The following PDGFC variants were observed in gnomAD, a reference collection of about 807,000 sequenced individuals.
The protein encoded by PDGFC is platelet derived growth factor C.
A neutral mutation model predicts 35.5 loss-of-function variants in PDGFC; 12 were observed. That is an observed-to-expected ratio of 0.34 (90% CI 0.22 to 0.55). PDGFC has a LOEUF of 0.55. Among genes scored for constraint, PDGFC ranks in the 20% least tolerant of loss-of-function variants. PDGFC has a pLI of 0.91. For missense variants in PDGFC, 322 were observed against 412.4 expected, an observed-to-expected ratio of 0.78 and a Z score of 1.90; for synonymous variants, 159 against 148.8, an observed-to-expected ratio of 1.07 and a Z score of -0.50.
At chr4:156,953,577 T>C (rs753343219) in intron 1 of PDGFC, among the ~76,000 whole-genome samples, 1 of 151,990 alleles carries the variant, frequency 6.6e-6, no homozygotes, top group Non-Finnish European at 1.5e-5. Flanking sequence ...GTACTCTCAA[T>C]AGTGGTTCTG....
At chr4:156,803,879 C>T (rs1731682750) in intron 3 of PDGFC, among the ~76,000 whole-genome samples, 4 of 152,076 alleles carry the variant, frequency 2.6e-5, no homozygotes, top group Admixed American at 2.6e-4. Flanking sequence ...GGAACTATGT[C>T]ATCTGTGAAT....
At chr4:156,793,665 G>C (rs1164138593) in intron 3 of PDGFC, among the ~76,000 whole-genome samples, 3 of 151,174 alleles carry the variant, frequency 2.0e-5, no homozygotes, top group Non-Finnish European at 4.4e-5. Flanking sequence ...ATACCAATCA[G>C]GGGGGCAGTG....
intron 1 of PDGFC, among the ~76,000 whole-genome samples, chr4:156,929,547 T>G (rs1376553936): frequency 6.6e-6 from 1 of 151,428 alleles, no homozygotes; most frequent in Non-Finnish European, 1.5e-5. Flanking sequence ...AATCTGCACA[T>G]GAAATCTCTC....
Position 156,762,041 on chromosome 4 carries a change from A to T in PDGFC, c.*1049T>A, listed in dbSNP as rs1022481574. On this transcript the variant is annotated 3_prime_UTR_variant, in exon 6 of 6. Transcript: ENST00000502773. ...AAGTTGCTTTTTATTTTCATCTCCA[A>T]TAACAGGAATGGAAGATATGATAAT... 1.3e-5 allele frequency: 2 copies of T among 152,756 alleles called. No individual in the cohort carries two copies. Among genetic ancestry groups the T allele is most frequent in the South Asian group, 2.1e-4 (1 of 4,832 alleles). The allele number at this position is 152,756 out of a possible 1,614,324, so 9.5% of individuals were successfully genotyped here.
At chr4:156,835,315 C>G (rs1356468159) in intron 2 of PDGFC, among the ~76,000 whole-genome samples, 1 of 152,142 alleles carries the variant, frequency 6.6e-6, no homozygotes, top group Non-Finnish European at 1.5e-5. Flanking sequence ...AAGGGAACTC[C>G]TATTCAATAT....
intron 2 of PDGFC, among the ~76,000 whole-genome samples, chr4:156,825,614 G>T (rs186858615): frequency 2.2e-3 from 302 of 137,096 alleles, no homozygotes; most frequent in African/African-American, 6.1e-3. Context: ...AGAAGAAGAA[G>T]AAGAAGAAGA....
chr4:156,802,419 T>C (rs1479017135), intron 3 of PDGFC, among the ~76,000 whole-genome samples: 1 of 152,032 alleles, frequency 6.6e-6, no homozygotes, highest in Non-Finnish European at 1.5e-5. Flanking sequence ...AAAGAATGAC[T>C]AAAAATCTGT....
intron 1 of PDGFC, among the ~76,000 whole-genome samples, chr4:156,859,750 G>A (rs1157489691): frequency 6.6e-6 from 1 of 152,010 alleles, no homozygotes; most frequent in African/African-American, 2.4e-5. Context: ...AAATTAATAA[G>A]AAAGCTTGGA....
intron 5 of PDGFC, among the ~76,000 whole-genome samples, chr4:156,767,212 T>C (rs1463127967): frequency 1.3e-5 from 2 of 152,232 alleles, no homozygotes; most frequent in African/African-American, 4.8e-5. Context: ...ATTACTAACA[T>C]GTCATATTAT....
At chr4:156,957,016 C>A (rs1270808948) in intron 1 of PDGFC, among the ~76,000 whole-genome samples, 5 of 151,942 alleles carry the variant, frequency 3.3e-5, no homozygotes, top group Non-Finnish European at 4.4e-5. Flanking sequence ...CTGAATCCCT[C>A]GCTTGGTCAA....
chr4:156,901,912 A>G (rs1175901939), intron 1 of PDGFC, among the ~76,000 whole-genome samples: 1 of 152,122 alleles, frequency 6.6e-6, no homozygotes, highest in Non-Finnish European at 1.5e-5. Flanking sequence ...GAGCCTGGCC[A>G]GGTATGTAGA....
At chr4:156,958,886 C>G (rs897156068) in intron 1 of PDGFC, among the ~76,000 whole-genome samples, 2 of 152,028 alleles carry the variant, frequency 1.3e-5, no homozygotes, top group African/African-American at 4.8e-5. Flanking sequence ...GAATCTCACA[C>G]TAGGGTGGTT....
intron 1 of PDGFC, among the ~76,000 whole-genome samples, chr4:156,902,292 C>T (rs1185133577): frequency 6.6e-6 from 1 of 152,140 alleles, no homozygotes; most frequent in Admixed American, 6.5e-5. Flanking sequence ...CTGGTATCTA[C>T]TACCCAGATT....
At chr4:156,788,361 C>A (rs956843860) in intron 3 of PDGFC, among the ~76,000 whole-genome samples, 8 of 152,114 alleles carry the variant, frequency 5.3e-5, no homozygotes, top group African/African-American at 1.9e-4. Context: ...CCTTTAAGAA[C>A]TTGGCTAAGA....
At chr4:156,779,948 C>T (rs1011840296) in intron 3 of PDGFC, among the ~76,000 whole-genome samples, 2 of 152,112 alleles carry the variant, frequency 1.3e-5, no homozygotes, top group African/African-American at 4.8e-5. Flanking sequence ...TCATTGTTGG[C>T]TGGTGAGTCA....
intron 2 of PDGFC, among the ~76,000 whole-genome samples, chr4:156,837,739 T>C (rs1729096742): frequency 1.3e-5 from 2 of 152,044 alleles, no homozygotes; most frequent in Non-Finnish European, 2.9e-5. Context: ...GAGGGAGGTG[T>C]TGACAATAGA....
At chr4:156,929,704 A>G (rs779440111) in intron 1 of PDGFC, among the ~76,000 whole-genome samples, 40 of 152,362 alleles carry the variant, frequency 2.6e-4, no homozygotes, top group Non-Finnish European at 1.5e-4. Flanking sequence ...AGAGGGAGCT[A>G]GCACTCAATC....
intron 1 of PDGFC, among the ~76,000 whole-genome samples, chr4:156,907,120 C>A (rs769209732): frequency 5.3e-5 from 8 of 152,060 alleles, no homozygotes; most frequent in African/African-American, 1.4e-4. Flanking sequence ...GGAGAATATA[C>A]CACCACCATG....
chr4:156,907,594 G>C (rs1052383397), intron 1 of PDGFC, among the ~76,000 whole-genome samples: 2 of 152,124 alleles, frequency 1.3e-5, no homozygotes, highest in East Asian at 3.9e-4. Flanking sequence ...AGGGAGTTGG[G>C]ACCTTCAGAC....
Sources: gnomAD v4.1 joint callset for allele counts (sites outside exome capture counted in the v4.1 genomes callset) on GRCh38, gnomAD v4.1.1 for gene constraint, MANE v1.5 for transcripts, NCBI Gene and HGNC (gene_info 2026-07-23, HGNC 2026-07-21) for gene names.